SLC2A13: variants seen among roughly 807,000 people sequenced by gnomAD.
SLC2A13 encodes solute carrier family 2 member 13, also known as proton myo-inositol cotransporter.
SLC2A13 carries 32 observed loss-of-function variants against 64.4 expected under a neutral mutation model. That is an observed-to-expected ratio of 0.50 (90% CI 0.37 to 0.67). The LOEUF is 0.67. SLC2A13 is among the 30% of genes least tolerant of loss of function. The probability of loss-of-function intolerance (pLI) is 0.00; values close to 1 mark genes in which losing one functional copy is unlikely to be tolerated. For synonymous variants in SLC2A13, 338 were observed against 327.1 expected (o/e 1.03, Z -0.36); for missense variants, 743 against 829.2 (o/e 0.90, Z 1.28).
At chr12:40,104,923 G>C (rs904029511) in intron 1 of SLC2A13, among the ~76,000 whole-genome samples, 1 of 152,206 alleles carries the variant, frequency 6.6e-6, no homozygotes, top group Admixed American at 6.5e-5. Flanking sequence ...GGTTAGGCTG[G>C]ATCAAGGAAA....
rs574315064 is a variant in SLC2A13 at position 39,789,558 on chromosome 12, GA to G, written c.1446-24701del. On this transcript the variant is annotated intron_variant, in intron 7 of 9. Transcript: ENST00000280871. ...GCAAGGGTTTCTCTAATAAATATGG[GA>G]AAACAGAATAAATAGAATTGCTGGA... Among the ~76,000 whole-genome samples, 17 of 152,132 alleles carry G rather than the reference GA, an allele frequency of 1.1e-4. No homozygotes were observed. The South Asian group carries it at 2.9e-3, about 26-fold the overall frequency.
intron 7 of SLC2A13, among the ~76,000 whole-genome samples, chr12:39,821,587 C>T (rs910552678): frequency 6.6e-6 from 1 of 152,186 alleles, no homozygotes; most frequent in Non-Finnish European, 1.5e-5. Context: ...GTCAGTTATG[C>T]TTCTGTTCCA....
chr12:39,939,552 T>A (rs1457550457), intron 4 of SLC2A13, among the ~76,000 whole-genome samples: 1 of 152,150 alleles, frequency 6.6e-6, no homozygotes, highest in East Asian at 1.9e-4. Flanking sequence ...GGAAAGTCTA[T>A]CACATCAGGT....
At chr12:39,868,154 A>G (rs1399074893) in intron 5 of SLC2A13, among the ~76,000 whole-genome samples, 1 of 152,194 alleles carries the variant, frequency 6.6e-6, no homozygotes, top group Non-Finnish European at 1.5e-5. Context: ...AGTCTAATAC[A>G]AGAAGGCTTT....
chr12:39,908,559 AAGGCG>A (rs1197986432), intron 4 of SLC2A13, among the ~76,000 whole-genome samples: 1 of 151,814 alleles, frequency 6.6e-6, no homozygotes, highest in East Asian at 1.9e-4. Flanking sequence ...GAAGAAAGGC[AAGGCG>A]GGGAGGGGAG....
intron 1 of SLC2A13, among the ~76,000 whole-genome samples, chr12:40,101,440 G>A (rs535463798): frequency 2.6e-5 from 4 of 152,046 alleles, no homozygotes; most frequent in East Asian, 3.9e-4. Flanking sequence ...AGTAATTCAC[G>A]GTCACATGCT....
At chr12:39,819,586 A>G (rs4604958) in intron 7 of SLC2A13, among the ~76,000 whole-genome samples, 107,884 of 152,062 alleles carry the variant, frequency 0.71, 39,105 homozygotes, top group African/African-American at 0.86. Context: ...TGTCCTTGAC[A>G]CTAAGCAGTA....
chr12:40,079,135 C>T (rs908529979), intron 1 of SLC2A13, among the ~76,000 whole-genome samples: 17 of 152,124 alleles, frequency 1.1e-4, no homozygotes, highest in Middle Eastern at 3.2e-3. Context: ...TTCAGTTCAG[C>T]TCAGATTTTT....
At chr12:39,861,864 T>C (rs918825289) in intron 6 of SLC2A13, among the ~76,000 whole-genome samples, 1 of 151,728 alleles carries the variant, frequency 6.6e-6, no homozygotes, top group African/African-American at 2.4e-5. Context: ...ATCTAAAAGG[T>C]GTTTTTTTTT....
chr12:39,826,602 GA>G (rs1198543490), intron 7 of SLC2A13, among the ~76,000 whole-genome samples: 5 of 147,922 alleles, frequency 3.4e-5, no homozygotes, highest in Admixed American at 6.7e-5. Flanking sequence ...ATTTCTTTCT[GA>G]AAAAAAATAA....
At position 39,871,797 on chromosome 12, in the gene SLC2A13, C is replaced by T. The variant is rs758931606; in HGVS notation, c.1198+1G>A. On this transcript the variant is annotated splice_donor_variant, in intron 5 of 9. Coordinates refer to ENST00000280871, the MANE Select transcript of SLC2A13 (RefSeq NM_052885.4). LOFTEE classifies it high-confidence loss of function. ...ATTGAATTCTTTATCCAGCCACCTA[C>T]CTGCTAAACTACCAAAGGTAAGCTT... The T allele has an allele frequency of 6.3e-7, 1 of 1,595,718 alleles. No individual in the cohort carries two copies. The highest frequency in any genetic ancestry group is 8.5e-7 in the Non-Finnish European group (1 of 1,172,874).
intron 4 of SLC2A13, among the ~76,000 whole-genome samples, chr12:39,892,331 T>C (rs952921722): frequency 6.6e-6 from 1 of 151,952 alleles, no homozygotes; most frequent in South Asian, 2.1e-4. Context: ...AGCTGACTTG[T>C]GTGTGTGTGT....
In SLC2A13 at chr12:39,935,071, T is replaced by C. The variant is rs530346244; in HGVS notation, c.1034+16186A>G. Among the ~76,000 whole-genome samples the C allele has an allele frequency of 1.3e-4, 20 of 152,292 alleles. 2 individuals carry two copies. In the South Asian group the frequency reaches 3.9e-3, roughly 30 times the overall value. On this transcript the variant is annotated intron_variant, in intron 4 of 9. Coordinates refer to ENST00000280871, the MANE Select transcript of SLC2A13 (RefSeq NM_052885.4). ...GAGATATGACTTGAAGAATACTTTATGGAAATCTTCAGTGTTGAAATCCAA... is the reference window on the plus strand; with the variant it reads ...GAGATATGACTTGAAGAATACTTTACGGAAATCTTCAGTGTTGAAATCCAA...
intron 3 of SLC2A13, among the ~76,000 whole-genome samples, chr12:39,972,020 T>TATATA (rs1210530678): frequency 2.9e-4 from 17 of 58,474 alleles, no homozygotes; most frequent in East Asian, 5.5e-4. Context: ...ATATATTTTT[T>TATATA]TTTATATAAA....
chr12:39,967,749 A>G (rs1262917736), intron 3 of SLC2A13, among the ~76,000 whole-genome samples: 1 of 152,144 alleles, frequency 6.6e-6, no homozygotes, highest in Non-Finnish European at 1.5e-5. Context: ...ATATATATCC[A>G]TTTGGCCTTT....
intron 7 of SLC2A13, among the ~76,000 whole-genome samples, chr12:39,809,281 T>C (rs914467174): frequency 3.3e-5 from 5 of 152,222 alleles, no homozygotes; most frequent in African/African-American, 1.2e-4. Flanking sequence ...TATGTCTATT[T>C]TACCAACATC....
chr12:39,844,278 A>G (rs1479587694), intron 6 of SLC2A13, among the ~76,000 whole-genome samples: 7 of 152,082 alleles, frequency 4.6e-5, no homozygotes, highest in Admixed American at 4.6e-4. Flanking sequence ...CATAGGGTAG[A>G]TAGACAGTCC....
chr12:39,812,785 A>ACAT (rs940664588), intron 7 of SLC2A13, among the ~76,000 whole-genome samples: 8 of 144,664 alleles, frequency 5.5e-5, no homozygotes, highest in Non-Finnish European at 1.2e-4. Context: ...TCTAATTTCA[A>ACAT]CATATGACTT....
chr12:40,030,296 T>C (rs2136218474), intron 2 of SLC2A13, among the ~76,000 whole-genome samples: 1 of 152,292 alleles, frequency 6.6e-6, no homozygotes, highest in Non-Finnish European at 1.5e-5. Flanking sequence ...CACAAAAATA[T>C]GTACTTCTGG....
Sources: allele counts gnomAD v4.1 joint callset (sites outside exome capture counted in the v4.1 genomes callset), GRCh38; gene constraint gnomAD v4.1.1; transcripts MANE v1.5; gene names NCBI Gene and HGNC (gene_info 2026-07-23, HGNC 2026-07-21).